PCIF1: variants seen among roughly 807,000 people sequenced by gnomAD.
The protein encoded by PCIF1 is phosphorylated CTD interacting factor 1.
Under a neutral mutation model 86.9 loss-of-function variants are expected in PCIF1, and 12 were observed. The ratio of observed to expected loss-of-function variants is 0.14; its 90% confidence interval spans 0.09 to 0.22. The LOEUF (loss-of-function observed/expected upper bound fraction) is 0.22, where lower values mean the gene tolerates loss of function less well. PCIF1 is among the 10% of genes least tolerant of loss of function. The pLI is 1.00. For synonymous variants in PCIF1, 397 were observed against 372.0 expected (o/e 1.07, Z -0.77); for missense variants, 701 against 951.1 (o/e 0.74, Z 3.46).
At chr20:45,945,159 T>C (rs2083511856) in intron 11 of PCIF1, 129 bp downstream of exon 11, 1 of 1,122,774 alleles carries the variant, frequency 8.9e-7, no homozygotes, top group African/African-American at 1.6e-5. Context: ...GTCCTTTGGC[T>C]GTACTTCTCT....
rs144701749 is a variant in PCIF1, at chr20:45,944,099, G to C, written c.1005+334G>C. Among the ~76,000 whole-genome samples the C allele has an allele frequency of 5.1e-3, 781 of 151,986 alleles. 9 individuals carry two copies. Among genetic ancestry groups the C allele is most frequent in the African/African-American group, 0.018 (747 of 41,432 alleles). ...AACAGATTGACAGCCTGCTTTTTTT[G>C]GGTGTGTGTGTTCATATCATGGTTA... On this transcript the variant is annotated intron_variant, in intron 10 of 16. Transcript: ENST00000372409.
In PCIF1 at chr20:45,940,845, C is replaced by A; in HGVS notation, c.424C>A (p.Pro142Thr). 1 of 1,614,090 alleles carries A rather than the reference C, an allele frequency of 6.2e-7. No individual in the cohort carries two copies. The highest frequency in any genetic ancestry group is 2.2e-5 in the East Asian group (1 of 44,878). ...AGTGACACCCACAGGCCAGTCGGTGCCCAGCTCCCCCAGTATCCCAGGAAC... is the reference window on the plus strand; with the variant it reads ...AGTGACACCCACAGGCCAGTCGGTGACCAGCTCCCCCAGTATCCCAGGAAC... Reference protein sequence around the residue: ...IPVTPTGQSVPSSPSIPGTPT... With the variant: ...IPVTPTGQSVTSSPSIPGTPT... Residue 142 changes from proline to threonine, a missense_variant, in exon 6 of 17, where the codon CCC becomes ACC. Pro to Thr is a conservative substitution (Grantham distance 38). Transcript: ENST00000372409.
At position 45,937,495 on chromosome 20, in the gene PCIF1, G is replaced by T. The variant is rs978518065; in HGVS notation, c.-110G>T. ...CCATTCGCCTGTGCTGAGTCTTCCT[G>T]CAGGCCTTTCCTTGCCTCTGTGGGA... On this transcript the variant is annotated 5_prime_UTR_variant, in exon 2 of 17. Coordinates refer to ENST00000372409, the MANE Select transcript of PCIF1 (RefSeq NM_022104.4). The T allele has an allele frequency of 2.5e-6, 1 of 399,124 alleles. No individual in the cohort carries two copies. Among genetic ancestry groups the T allele is most frequent in the African/African-American group, 2.1e-5 (1 of 48,762 alleles). The allele number at this position is 399,124 out of a possible 1,614,324, so 24.7% of individuals were successfully genotyped here.
chr20:45,941,021 G>A (rs1270189208), intron 6 of PCIF1, 32 bp from the exon 7 acceptor site: 3 of 1,614,156 alleles, frequency 1.9e-6, no homozygotes, highest in South Asian at 2.2e-5. Context: ...GGGTGGGCAG[G>A]ACATCCTCAT....
intron 4 of PCIF1, 22 bp downstream of exon 4, chr20:45,939,361 G>A: frequency 1.2e-6 from 2 of 1,612,128 alleles, no homozygotes; most frequent in Non-Finnish European, 1.7e-6. Flanking sequence ...CCTAGGGTGG[G>A]GGGGTCTCAG....
At chr20:45,944,565 AC>A (rs2083503856) in intron 10 of PCIF1, among the ~76,000 whole-genome samples, 1 of 152,124 alleles carries the variant, frequency 6.6e-6, no homozygotes, top group South Asian at 2.1e-4. Context: ...TAGCAGTGTA[AC>A]CCCAACAAAA....
chr20:45,941,671 G>A (rs2083471358), intron 7 of PCIF1, among the ~76,000 whole-genome samples: 1 of 152,118 alleles, frequency 6.6e-6, no homozygotes, highest in Non-Finnish European at 1.5e-5. Context: ...TGTTGGCCAG[G>A]CTGGTCCTGA....
intron 5 of PCIF1, 65 bp from the exon 6 acceptor site, chr20:45,940,744 A>G: frequency 1.3e-6 from 2 of 1,593,528 alleles, no homozygotes; most frequent in Non-Finnish European, 1.7e-6. Flanking sequence ...CCAGGTGTGC[A>G]CTGTATTGGA....
chr20:45,946,994 T>C, intron 14 of PCIF1, 79 bp from the exon 15 acceptor site: 3 of 1,237,782 alleles, frequency 2.4e-6, no homozygotes. Flanking sequence ...TGTGGCTGCC[T>C]AGGGTTGGGG....
At chr20:45,944,700 A>G (rs2083505118) in intron 10 of PCIF1, among the ~76,000 whole-genome samples, 168 bp from the exon 11 acceptor site, 1 of 152,226 alleles carries the variant, frequency 6.6e-6, no homozygotes, top group African/African-American at 2.4e-5. Context: ...CACTTGAGGA[A>G]TAAGATTGAG....
In PCIF1 at chr20:45,943,067, C is replaced by T. The variant is rs368133509; in HGVS notation, c.674-30C>T. On this transcript the variant is annotated intron_variant, in intron 7 of 16. Coordinates refer to ENST00000372409, the MANE Select transcript of PCIF1 (RefSeq NM_022104.4). This position sits in a 1 kb window ranked among gnomAD's most constrained non-coding sequence, Gnocchi z 5.5. ...CCAAGTGGGACTGCTTGATTAAATC[C>T]AGGCCTTCAGCAGCTCTCCTGTCCT... 1 of 1,607,014 alleles carries T rather than the reference C, an allele frequency of 6.2e-7. No individual in the cohort carries two copies. Among genetic ancestry groups the T allele is most frequent in the Non-Finnish European group, 8.5e-7 (1 of 1,175,646 alleles).
In PCIF1 at chr20:45,937,500, C is replaced by A. The variant is rs879787634; in HGVS notation, c.-105C>A. 1 of 399,136 alleles carries A rather than the reference C, an allele frequency of 2.5e-6. No homozygotes were observed. The highest frequency in any genetic ancestry group is 4.4e-6 in the Non-Finnish European group (1 of 226,110). 24.7% of individuals were successfully genotyped at this position (399,136 alleles called of 1,614,324 possible). ...CGCCTGTGCTGAGTCTTCCTGCAGG[C>A]CTTTCCTTGCCTCTGTGGGACCCTG... On this transcript the variant is annotated 5_prime_UTR_variant, in exon 2 of 17. Transcript: ENST00000372409.
chr20:45,937,176 A>G (rs2083433959), intron 1 of PCIF1, among the ~76,000 whole-genome samples: 1 of 152,218 alleles, frequency 6.6e-6, no homozygotes, highest in Non-Finnish European at 1.5e-5. Flanking sequence ...AGAGCCTTAC[A>G]CCAAGCTCAG....
intron 10 of PCIF1, 149 bp from the exon 11 acceptor site, chr20:45,944,719 G>T: frequency 2.6e-6 from 2 of 775,878 alleles, no homozygotes; most frequent in South Asian, 3.8e-5. Context: ...AGAGAAGCCA[G>T]GGGATTTGTC....
intron 14 of PCIF1, 61 bp downstream of exon 14, chr20:45,946,445 C>A: frequency 6.4e-7 from 1 of 1,552,070 alleles, no homozygotes. Context: ...GAGCACAGGG[C>A]CCGCCTCTGC....
At position 45,945,756 on chromosome 20, in the gene PCIF1, A is replaced by G. The variant is rs777951768; in HGVS notation, c.1214A>G (p.Tyr405Cys). 1.4e-5 allele frequency: 23 copies of G among 1,613,864 alleles called. No homozygotes were observed. Among genetic ancestry groups the G allele is most frequent in the Non-Finnish European group, 1.9e-5 (22 of 1,180,016 alleles). Residue 405 changes from tyrosine (Y) to cysteine (C), a missense_variant, in exon 12 of 17, where the codon TAC (tyrosine) becomes TGC (cysteine). Physicochemically the swap from Tyr to Cys is radical, Grantham distance 194. Coordinates refer to ENST00000372409, the MANE Select transcript of PCIF1 (RefSeq NM_022104.4). ...GTGGAGCCCCGCCTAGTGTACTGCT[A>G]CCCAGTCCGGCTGGCTGTGTCTGCA... Reference protein sequence around the residue: ...PEVEPRLVYCYPVRLAVSAPP... With the variant: ...PEVEPRLVYCCPVRLAVSAPP...
intron 5 of PCIF1, 31 bp downstream of exon 5, chr20:45,940,643 G>T: frequency 2.5e-6 from 4 of 1,585,724 alleles, no homozygotes; most frequent in Non-Finnish European, 3.4e-6. Flanking sequence ...GCCGGCTGCC[G>T]AGCGGCCGGC....
chr20:45,934,945 C>A (rs1048041824), intron 1 of PCIF1, 141 bp downstream of exon 1: 29 of 395,688 alleles, frequency 7.3e-5, no homozygotes, highest in Non-Finnish European at 2.2e-5. Context: ...CCATCTTAGA[C>A]CCGCGGGTGG....
rs375763271 is a variant in PCIF1 at position 45,943,784 on chromosome 20, G to A, written c.1005+19G>A. The A allele has an allele frequency of 7.8e-5, 121 of 1,546,146 alleles. No homozygotes were observed. The African/African-American group carries it at 1.4e-3, about 18-fold the overall frequency. On this transcript the variant is annotated intron_variant, in intron 10 of 16. Transcript: ENST00000372409. The surrounding 1 kb of genome is among the most constrained non-coding windows in gnomAD (Gnocchi z 5.5). Reference sequence around the variant, plus strand: ...CTACATGGTGAGTGGGTCCCCGGGTGAGAAGGCCAGTTTTAGGGCTCTGTG... The same window carrying A: ...CTACATGGTGAGTGGGTCCCCGGGTAAGAAGGCCAGTTTTAGGGCTCTGTG...
Sources: allele counts gnomAD v4.1 joint callset (sites outside exome capture counted in the v4.1 genomes callset), GRCh38; gene constraint gnomAD v4.1.1; non-coding constraint Gnocchi (gnomAD v3.1); transcripts MANE v1.5; gene names NCBI Gene and HGNC (gene_info 2026-07-23, HGNC 2026-07-21).